DIS3L2: variants seen among roughly 807,000 people sequenced by gnomAD.
The protein encoded by DIS3L2 is DIS3-like exonuclease 2.
Under a neutral mutation model 97.5 loss-of-function variants are expected in DIS3L2, and 34 were observed. The ratio of observed to expected loss-of-function variants is 0.35; its 90% CI spans 0.27 to 0.46. The LOEUF (loss-of-function observed/expected upper bound fraction) is 0.46, where lower values mean the gene tolerates loss of function less well. Ranked by LOEUF, DIS3L2 falls within the 20% of genes least tolerant of loss-of-function variation. The pLI is 1.00. For missense variants in DIS3L2, 1,038 were observed against 1,146.0 expected (o/e 0.91, Z 1.36); for synonymous variants, 435 against 445.2 (o/e 0.98, Z 0.29).
chr2:232,169,044 A>G (rs1317745755), intron 9 of DIS3L2, among the ~76,000 whole-genome samples: 1 of 152,174 alleles, frequency 6.6e-6, no homozygotes, highest in Non-Finnish European at 1.5e-5. Flanking sequence ...GAATGAAACT[A>G]TTAAGCAGTA....
chr2:232,333,749 T>C (rs1695842729), intron 16 of DIS3L2, 91 bp from the exon 17 acceptor site: 3 of 1,483,906 alleles, frequency 2.0e-6, no homozygotes, highest in Non-Finnish European at 2.7e-6. Flanking sequence ...CACACATCGC[T>C]GCCGACGGTG....
rs149147851 is a variant in DIS3L2 at position 232,265,829 on chromosome 2, C to T, written c.1659+2389C>T. Among the ~76,000 whole-genome samples, 1,293 of 152,214 alleles carry T rather than the reference C, an allele frequency of 8.5e-3. 23 individuals carry two copies. The highest frequency in any genetic ancestry group is 0.048 in the Admixed American group (740 of 15,280). On this transcript the variant is annotated intron_variant, in intron 13 of 20. Transcript: ENST00000325385. ...TCTTTTTAAAGAAATCAAATGGTAACGTATGAACAGTGAATTGTGAGTGTA... is the reference window on the plus strand; with the variant it reads ...TCTTTTTAAAGAAATCAAATGGTAATGTATGAACAGTGAATTGTGAGTGTA...
Position 232,130,737 on chromosome 2 carries a change from T to G in DIS3L2, c.702+18T>G. On this transcript the variant is annotated intron_variant, in intron 7 of 20. Transcript: ENST00000325385. ...CAGCAAAGGTCATTGCCTACAGATT[T>G]TCTCCACGTGTCCAAATGGCTTTCA... The G allele has an allele frequency of 1.2e-6, 2 of 1,613,090 alleles. No individual in the cohort carries two copies. Among genetic ancestry groups the G allele is most frequent in the Non-Finnish European group, 1.7e-6 (2 of 1,179,546 alleles).
intron 10 of DIS3L2, among the ~76,000 whole-genome samples, chr2:232,225,726 TA>T (rs1260181530): frequency 1.3e-5 from 2 of 152,012 alleles, no homozygotes; most frequent in East Asian, 3.8e-4. Flanking sequence ...CATGCCTTAA[TA>T]AAAAATTTTA....
intron 9 of DIS3L2, among the ~76,000 whole-genome samples, chr2:232,174,803 T>G (rs1207194611): frequency 6.6e-6 from 1 of 151,950 alleles, no homozygotes; most frequent in Non-Finnish European, 1.5e-5. Flanking sequence ...TCTCTTGTCC[T>G]GATCTTGAGG....
chr2:232,110,615 G>A (rs555753172), intron 6 of DIS3L2, among the ~76,000 whole-genome samples: 26 of 152,256 alleles, frequency 1.7e-4, no homozygotes, highest in Non-Finnish European at 2.2e-4. Flanking sequence ...ACCAAATACC[G>A]TGTGTTCTCA....
chr2:232,126,993 T>C (rs1698079635), intron 6 of DIS3L2, among the ~76,000 whole-genome samples: 1 of 152,184 alleles, frequency 6.6e-6, no homozygotes, highest in Non-Finnish European at 1.5e-5. Flanking sequence ...AAGGCTCAAC[T>C]CACTTCCTCA....
chr2:232,329,838 G>T lies in DIS3L2; in HGVS notation c.1765G>T (p.Ala589Ser). ...GCTCGTGGAGGAGTTCATGCTCTTG[G>T]CCAACATGGCAGTGGCCCACAAGAT... ...NKLVEEFMLL[A>S]NMAVAHKIHR... Residue 589 changes from alanine to serine, a missense_variant, in exon 15 of 21, where the codon GCC (alanine) becomes TCC (serine). Physicochemically the swap from Ala to Ser is moderately conservative, Grantham distance 99. Coordinates refer to ENST00000325385, the MANE Select transcript of DIS3L2 (RefSeq NM_152383.5). 2 of 1,479,216 alleles carry T rather than the reference G, an allele frequency of 1.4e-6. No individual in the cohort carries two copies. Among genetic ancestry groups the T allele is most frequent in the Admixed American group, 1.9e-5 (1 of 53,924 alleles). 91.6% of individuals were successfully genotyped at this position (1,479,216 alleles called of 1,614,324 possible).
At chr2:231,981,598 T>TTATATA (rs10669283) in intron 1 of DIS3L2, among the ~76,000 whole-genome samples, 10,736 of 83,536 alleles carry the variant, frequency 0.13, 811 homozygotes, top group East Asian at 0.18. Flanking sequence ...GTTAAGTATT[T>TTATATA]TATATATATA....
intron 13 of DIS3L2, among the ~76,000 whole-genome samples, chr2:232,271,803 T>A (rs1409184946): frequency 6.6e-6 from 1 of 152,062 alleles, no homozygotes; most frequent in African/African-American, 2.4e-5. Flanking sequence ...CCTGGGAGCG[T>A]GAATTTCAGC....
At chr2:232,175,603 A>T (rs921583160) in intron 9 of DIS3L2, among the ~76,000 whole-genome samples, 9 of 151,906 alleles carry the variant, frequency 5.9e-5, no homozygotes, top group Non-Finnish European at 1.0e-4. Context: ...GTTCGGGGGT[A>T]CATGTATGTA....
chr2:232,195,861 T>A (rs1691738535), intron 9 of DIS3L2, among the ~76,000 whole-genome samples: 1 of 152,180 alleles, frequency 6.6e-6, no homozygotes, highest in Non-Finnish European at 1.5e-5. Flanking sequence ...TTATTTTAAA[T>A]CTTGCTAATT....
chr2:232,171,215 T>C (rs1574923803), intron 9 of DIS3L2, among the ~76,000 whole-genome samples: 2 of 152,208 alleles, frequency 1.3e-5, no homozygotes, highest in Non-Finnish European at 2.9e-5. Flanking sequence ...TACTAGGTCA[T>C]GAATAGGTGT....
At position 232,329,844 on chromosome 2, in the gene DIS3L2, A is replaced by G. The variant is rs1345705256; in HGVS notation, c.1771A>G (p.Met591Val). The change falls in exon 15 of 21, where the codon ATG (methionine) becomes GTG (valine). Residue 591 changes from methionine (M) to valine (V), a missense_variant. Physicochemically the swap from Met to Val is conservative, Grantham distance 21. Transcript: ENST00000325385. Reference protein sequence around the residue: ...LVEEFMLLANMAVAHKIHRAF... With the variant: ...LVEEFMLLANVAVAHKIHRAF... Reference sequence around the variant, plus strand: ...GGAGGAGTTCATGCTCTTGGCCAACATGGCAGTGGCCCACAAGATCCACCG... The same window carrying G: ...GGAGGAGTTCATGCTCTTGGCCAACGTGGCAGTGGCCCACAAGATCCACCG... 1 of 1,449,278 alleles carries G rather than the reference A, an allele frequency of 6.9e-7. No individual in the cohort carries two copies. The highest frequency in any genetic ancestry group is 9.2e-7 in the Non-Finnish European group (1 of 1,083,146). 89.8% of individuals were successfully genotyped at this position (1,449,278 alleles called of 1,614,324 possible). A position where few individuals can be genotyped will look rare whatever the true frequency, so the allele number is the denominator to read the frequency against.
intron 9 of DIS3L2, among the ~76,000 whole-genome samples, chr2:232,196,768 A>C (rs1451073741): frequency 6.6e-6 from 1 of 151,274 alleles, no homozygotes; most frequent in Non-Finnish European, 1.5e-5. Context: ...TAGTATGGGT[A>C]GTGTGTAATG....
At chr2:232,129,227 A>G (rs1698154525) in intron 6 of DIS3L2, among the ~76,000 whole-genome samples, 1 of 152,218 alleles carries the variant, frequency 6.6e-6, no homozygotes, top group Non-Finnish European at 1.5e-5. Context: ...TTGAGACCAA[A>G]CTAGTTGTCA....
chr2:232,333,912 C>T lies in DIS3L2; in HGVS notation c.2083C>T (p.Leu695=). 2.5e-6 allele frequency: 4 copies of T among 1,612,954 alleles called. No individual in the cohort carries two copies. In the South Asian group the frequency reaches 3.3e-5, roughly 13 times the overall value. The change falls in exon 17 of 21, where the codon CTG becomes TTG. Residue 695 remains leucine, a synonymous_variant. Transcript: ENST00000325385. The part of the protein sequence containing the change: ...QFRHYALNVP[L]YTHFTSPIRR... ...CCGGCACTACGCGCTCAATGTGCCCCTGTACACACACTTCACCTCGCCCAT... is the reference window on the plus strand; with the variant it reads ...CCGGCACTACGCGCTCAATGTGCCCTTGTACACACACTTCACCTCGCCCAT...
At chr2:232,097,521 A>T (rs200746546) in intron 6 of DIS3L2, among the ~76,000 whole-genome samples, 1 of 152,026 alleles carries the variant, frequency 6.6e-6, no homozygotes, top group Non-Finnish European at 1.5e-5. Context: ...TGTGGCTGCC[A>T]CCACTACAGA....
chr2:232,320,351 AAGG>A (rs1390955176), intron 14 of DIS3L2, among the ~76,000 whole-genome samples: 2 of 152,156 alleles, frequency 1.3e-5, no homozygotes, highest in Admixed American at 1.3e-4. Context: ...AACAAGACAA[AAGG>A]AGTTTTCTTT....
Sources: gnomAD v4.1 joint callset for allele counts (sites outside exome capture counted in the v4.1 genomes callset) on GRCh38, gnomAD v4.1.1 for gene constraint, MANE v1.5 for transcripts, NCBI Gene and HGNC (gene_info 2026-07-23, HGNC 2026-07-21) for gene names.